Variants in ROBO2 observed in about 807,000 individuals in gnomAD.
ROBO2 encodes roundabout homolog 2.
ROBO2 carries 53 observed loss-of-function variants against 160.8 expected under a neutral mutation model. The ratio of observed to expected loss-of-function variants is 0.33; its 90% CI spans 0.26 to 0.41. The LOEUF (loss-of-function observed/expected upper bound fraction) is 0.41, where lower values mean the gene tolerates loss of function less well. Ranked by LOEUF, ROBO2 falls within the 10% of genes least tolerant of loss-of-function variation. The pLI, the probability that ROBO2 is intolerant of heterozygous loss-of-function variation, is 1.00. For missense variants in ROBO2, 1,577 were observed against 1,722.4 expected, an observed-to-expected ratio of 0.92 and a Z score of 1.49; for synonymous variants, 664 against 611.7, an observed-to-expected ratio of 1.09 and a Z score of -1.26.
At chr3:77,200,957 T>TTA (rs1444743501) in intron 2 of ROBO2, among the ~76,000 whole-genome samples, 1 of 152,112 alleles carries the variant, frequency 6.6e-6, no homozygotes, top group Non-Finnish European at 1.5e-5. Context: ...GCTGAAAGGA[T>TTA]TATATATAAT....
At chr3:77,410,668 C>T (rs1275893027) in intron 2 of ROBO2, among the ~76,000 whole-genome samples, 2 of 145,674 alleles carry the variant, frequency 1.4e-5, no homozygotes, top group Non-Finnish European at 1.5e-5. Flanking sequence ...TCTTCCTCCT[C>T]CTCTTCCTCC....
At chr3:76,210,301 A>G (rs758870198) in intron 2 of ROBO2, among the ~76,000 whole-genome samples, 1 of 152,076 alleles carries the variant, frequency 6.6e-6, no homozygotes, top group African/African-American at 2.4e-5. Context: ...TTAGTAAGCT[A>G]TCTCAACTTC....
intron 2 of ROBO2, among the ~76,000 whole-genome samples, chr3:76,183,072 G>A (rs1365690168): frequency 6.6e-6 from 1 of 152,120 alleles, no homozygotes; most frequent in Non-Finnish European, 1.5e-5. Flanking sequence ...GCTGGCGAAT[G>A]AGCTGTGTAA....
chr3:76,687,522 C>T (rs1253208265), intron 2 of ROBO2, among the ~76,000 whole-genome samples: 2 of 151,908 alleles, frequency 1.3e-5, no homozygotes, highest in Non-Finnish European at 2.9e-5. Flanking sequence ...CCAAAGTAGA[C>T]ACTTAAAATA....
chr3:77,612,302 A>G (rs2094661661), intron 21 of ROBO2, among the ~76,000 whole-genome samples: 1 of 152,224 alleles, frequency 6.6e-6, no homozygotes, highest in Admixed American at 6.5e-5. Context: ...AAACAGGGCT[A>G]CACTTCATAA....
intron 2 of ROBO2, among the ~76,000 whole-genome samples, chr3:76,907,118 A>C (rs1012802195): frequency 6.6e-6 from 1 of 152,120 alleles, no homozygotes; most frequent in African/African-American, 2.4e-5. Context: ...TACATGGATG[A>C]ATGAATGAAT....
At chr3:77,421,878 A>G (rs1275621028) in intron 2 of ROBO2, among the ~76,000 whole-genome samples, 1 of 152,208 alleles carries the variant, frequency 6.6e-6, no homozygotes, top group African/African-American at 2.4e-5. Context: ...TAAGTTTAAA[A>G]AACAAGATCT....
intron 2 of ROBO2, among the ~76,000 whole-genome samples, chr3:76,111,719 C>G (rs555192735): frequency 6.6e-6 from 1 of 152,184 alleles, no homozygotes; most frequent in African/African-American, 2.4e-5. Context: ...CTGCTGTTAC[C>G]TTTCCTGCCT....
chr3:76,127,830 T>C (rs1345714336), intron 2 of ROBO2, among the ~76,000 whole-genome samples: 2 of 151,646 alleles, frequency 1.3e-5, no homozygotes, highest in Non-Finnish European at 2.9e-5. Context: ...AATGCCTGAA[T>C]ACTTTGAAAA....
exon 9 of ROBO2, chr3:77,558,061 G>A (rs1445615770): frequency 1.2e-6 from 2 of 1,613,234 alleles, no homozygotes; most frequent in African/African-American, 1.3e-5. Context: ...CCTGTAATTA[G>A]CTGGTTAAAG....
chr3:76,044,097 T>A (rs866063554), intron 2 of ROBO2, among the ~76,000 whole-genome samples: 1 of 152,052 alleles, frequency 6.6e-6, no homozygotes, highest in South Asian at 2.1e-4. Flanking sequence ...AAAAGAGAAT[T>A]GTATTGTTCT....
intron 1 of ROBO2, among the ~76,000 whole-genome samples, chr3:77,057,811 C>T (rs1031213559): frequency 3.3e-5 from 5 of 151,842 alleles, no homozygotes; most frequent in African/African-American, 4.8e-5. Flanking sequence ...CCTCGTGATC[C>T]ACCCACTTCG....
chr3:77,551,049 GT>G, intron 8 of ROBO2, 60 bp downstream of exon 9: 1 of 1,555,218 alleles, frequency 6.4e-7, no homozygotes, highest in East Asian at 2.3e-5. Flanking sequence ...CTAGATACAC[GT>G]TAACCATGTG....
intron 2 of ROBO2, among the ~76,000 whole-genome samples, chr3:77,226,308 A>G (rs1352357192): frequency 1.3e-5 from 2 of 150,822 alleles, no homozygotes; most frequent in African/African-American, 4.9e-5. Flanking sequence ...TTTTTTTTTC[A>G]GTTTCACGTA....
intron 3 of ROBO2, 87 bp downstream of exon 3, chr3:77,477,658 T>G: frequency 2.4e-6 from 3 of 1,267,058 alleles, no homozygotes; most frequent in Middle Eastern, 1.9e-4. Context: ...TTAACATTAT[T>G]AATACAATTG....
At chr3:75,995,414 TG>T (rs1424187997) in intron 2 of ROBO2, among the ~76,000 whole-genome samples, 4 of 152,112 alleles carry the variant, frequency 2.6e-5, no homozygotes, top group African/African-American at 9.7e-5. Flanking sequence ...TTAAGGGTGA[TG>T]TTGGGCCCAT....
intron 2 of ROBO2, among the ~76,000 whole-genome samples, chr3:76,202,797 ATT>A (rs975307515): frequency 2.6e-5 from 4 of 151,116 alleles, no homozygotes; most frequent in Non-Finnish European, 4.4e-5. Flanking sequence ...GTACATTTCC[ATT>A]GTTTCTCTTT....
At chr3:76,993,637 C>T (rs143215826) in intron 2 of ROBO2, among the ~76,000 whole-genome samples, 70 of 152,150 alleles carry the variant, frequency 4.6e-4, no homozygotes, top group African/African-American at 1.3e-3. Flanking sequence ...TCCATCCTAA[C>T]GGCTCTACTC....
intron 2 of ROBO2, among the ~76,000 whole-genome samples, chr3:76,550,753 C>T (rs75297696): frequency 0.069 from 10,488 of 152,318 alleles, 625 homozygotes; most frequent in East Asian, 0.23. Context: ...TGGCCAAACC[C>T]AGGTGCTGGC....
Sources: gnomAD v4.1 joint callset for allele counts (sites outside exome capture counted in the v4.1 genomes callset) on GRCh38, gnomAD v4.1.1 for gene constraint, MANE v1.5 for transcripts, NCBI Gene and HGNC (gene_info 2026-07-23, HGNC 2026-07-21) for gene names.